The following ARID1A variants were observed in gnomAD, a reference collection of about 807,000 sequenced individuals.
ARID1A encodes the protein AT-rich interaction domain 1A, also known as AT-rich interactive domain-containing protein 1A.
ARID1A carries 20 observed loss-of-function variants against 212.6 expected under a neutral mutation model. That is an observed-to-expected ratio of 0.09 (90% CI 0.07 to 0.14). The LOEUF is 0.14. ARID1A is among the 10% of genes least tolerant of loss of function. The pLI is 1.00. For missense variants in ARID1A, 2,587 were observed against 3,059.0 expected (o/e 0.85, Z 3.64); for synonymous variants, 1,376 against 1,222.1 (o/e 1.13, Z -2.63).
chr1:26,756,589 C>A (rs1489410350), intron 4 of ARID1A, among the ~76,000 whole-genome samples: 10 of 149,908 alleles, frequency 6.7e-5, no homozygotes, highest in African/African-American at 2.2e-4. Flanking sequence ...CAAAAAAACA[C>A]ACACAAAAAA....
At chr1:26,731,632 C>T (rs921577488) in intron 3 of ARID1A, 28 bp downstream of exon 3, 1 of 1,604,130 alleles carries the variant, frequency 6.2e-7, no homozygotes. Flanking sequence ...CCTGCCCTTC[C>T]CTGTGTGTGA....
At position 26,729,736 on chromosome 1, in the gene ARID1A, C is replaced by T. The variant is rs763630072; in HGVS notation, c.1223C>T (p.Pro408Leu). 15 of 1,614,116 alleles carry T rather than the reference C, an allele frequency of 9.3e-6. No individual in the cohort carries two copies. The highest frequency in any genetic ancestry group is 1.7e-5 in the Admixed American group (1 of 60,012). The change falls in exon 2 of 20, where the codon CCG (proline) becomes CTG (leucine). Residue 408 changes from proline (P) to leucine (L), a missense_variant. Transcript: ENST00000324856. ...CCATACTCGCAGCAACAGGGACCTCCGTCAGGACCGCAGCAAGGACATGGG... is the reference window on the plus strand; with the variant it reads ...CCATACTCGCAGCAACAGGGACCTCTGTCAGGACCGCAGCAAGGACATGGG... ...TNPYSQQQGPPSGPQQGHGYP... is the reference protein window; with the variant it reads ...TNPYSQQQGPLSGPQQGHGYP...
intron 1 of ARID1A, among the ~76,000 whole-genome samples, chr1:26,718,661 A>G (rs2080528046): frequency 6.6e-6 from 1 of 152,212 alleles, no homozygotes. Flanking sequence ...CATACAACGT[A>G]GATATTATGT....
chr1:26,772,462 T>C (rs752574286), intron 12 of ARID1A, 38 bp from the exon 13 acceptor site: 1 of 1,613,784 alleles, frequency 6.2e-7, no homozygotes, highest in Non-Finnish European at 8.5e-7. Context: ...AACACTGTCA[T>C]GCCAAGCAAA....
intron 4 of ARID1A, among the ~76,000 whole-genome samples, chr1:26,737,125 T>G (rs1158445741): frequency 1.3e-5 from 2 of 152,004 alleles, no homozygotes; most frequent in African/African-American, 4.8e-5. Flanking sequence ...TTTTTTTGTT[T>G]GTTTGTTTTG....
At position 26,780,606 on chromosome 1, in the gene ARID1A, C is replaced by T. The variant is rs757672227; in HGVS notation, c.6708C>T (p.Arg2236=). Residue 2236 remains arginine (R), a synonymous_variant, in exon 20 of 20, where the codon CGC becomes CGT. Coordinates refer to ENST00000324856, the MANE Select transcript of ARID1A (RefSeq NM_006015.6). This position sits in a 1 kb window ranked among gnomAD's most constrained non-coding sequence, Gnocchi z 7.2. ...TSVDMMRRAA[R]ALLALAKVDE... is the part of the protein sequence containing the mutation. ...TGGACATGATGCGGCGGGCTGCCCG[C>T]GCGCTGCTTGCCTTGGCCAAGGTGG... 34 of 1,613,776 alleles carry T rather than the reference C, an allele frequency of 2.1e-5. No individual in the cohort carries two copies. The highest frequency in any genetic ancestry group is 1.6e-4 in the East Asian group (7 of 44,888).
chr1:26,727,223 C>T (rs547020051), intron 1 of ARID1A, among the ~76,000 whole-genome samples: 1 of 152,126 alleles, frequency 6.6e-6, no homozygotes, highest in East Asian at 1.9e-4. Flanking sequence ...GGATTTGGAC[C>T]CAAGTCTATC....
In ARID1A at chr1:26,778,391, A is replaced by T. The variant is rs1179353498; in HGVS notation, c.5125-632A>T. 1.3e-5 allele frequency: 2 copies of T among 151,766 alleles called. 1 individual carries two copies. The highest frequency in any genetic ancestry group is 4.2e-4 in the South Asian group (2 of 4,818). 9.4% of individuals were successfully genotyped at this position (151,766 alleles called of 1,614,324 possible). On this transcript the variant is annotated intron_variant, in intron 19 of 19. Coordinates refer to ENST00000324856, the MANE Select transcript of ARID1A (RefSeq NM_006015.6). ...CAGCCAAAGATTGTGACTGGAGAGG[A>T]GTGTTTTCTTCTAGAGGTAAATAAA...
intron 1 of ARID1A, among the ~76,000 whole-genome samples, chr1:26,712,776 T>A (rs1381136263): frequency 6.6e-6 from 1 of 152,200 alleles, no homozygotes; most frequent in Non-Finnish European, 1.5e-5. Context: ...CTCTGAGGGG[T>A]GGACATTTGA....
chr1:26,697,764 C>G (rs1409239970), intron 1 of ARID1A, among the ~76,000 whole-genome samples: 2 of 145,134 alleles, frequency 1.4e-5, no homozygotes, highest in African/African-American at 5.0e-5. Flanking sequence ...GTCTGCTCCT[C>G]TTTTTCCTCT....
intron 4 of ARID1A, among the ~76,000 whole-genome samples, chr1:26,748,980 C>T (rs898652092): frequency 1.3e-5 from 2 of 151,960 alleles, no homozygotes; most frequent in Non-Finnish European, 2.9e-5. Context: ...CTGGCTAACA[C>T]GGTGAAACCT....
At position 26,774,619 on chromosome 1, in the gene ARID1A, C is replaced by T. The variant is rs201288345; in HGVS notation, c.4392C>T (p.Val1464=). 1 of 1,614,232 alleles carries T rather than the reference C, an allele frequency of 6.2e-7. No homozygotes were observed. Among genetic ancestry groups the T allele is most frequent in the Non-Finnish European group, 8.5e-7 (1 of 1,180,036 alleles). Residue 1464 remains valine (V), a synonymous_variant, in exon 18 of 20, where the codon GTC becomes GTT. Coordinates refer to ENST00000324856, the MANE Select transcript of ARID1A (RefSeq NM_006015.6). The surrounding 1 kb of genome is among the most constrained non-coding windows in gnomAD (Gnocchi z 5.6). ...CATTCCAGTTTGGCCGAGACCGTGTCTCTGCACCCCCTGGCACCAATGCCC... is the reference window on the plus strand; with the variant it reads ...CATTCCAGTTTGGCCGAGACCGTGTTTCTGCACCCCCTGGCACCAATGCCC... ...QFPFQFGRDR[V]SAPPGTNAQQ...
rs745957633 is a variant in ARID1A, at chr1:26,697,197, C to T, written c.794C>T (p.Ser265Phe). Reference sequence around the variant, plus strand: ...GCCTCCGCCTCCTCGTCGTCTTCGTCCTTCGCTCAGCAGCGCTTCGGGGCC... The same window carrying T: ...GCCTCCGCCTCCTCGTCGTCTTCGTTCTTCGCTCAGCAGCGCTTCGGGGCC... ...SSASASSSSS[S>F]FAQQRFGAMG... The change falls in exon 1 of 20, where the codon TCC becomes TTC. Residue 265 changes from serine (S) to phenylalanine (F), a missense_variant. Transcript: ENST00000324856. The T allele has an allele frequency of 1.1e-5, 16 of 1,422,666 alleles. No individual in the cohort carries two copies. The highest frequency in any genetic ancestry group is 3.3e-5 in the Admixed American group (1 of 30,332). The allele number at this position is 1,422,666 out of a possible 1,614,324, so 88.1% of individuals were successfully genotyped here.
intron 4 of ARID1A, among the ~76,000 whole-genome samples, chr1:26,745,966 G>A (rs1201589919): frequency 6.6e-6 from 1 of 152,090 alleles, no homozygotes; most frequent in African/African-American, 2.4e-5. Flanking sequence ...CAGGAGAATC[G>A]CTTGAACCTG....
rs2124070386 is a variant in ARID1A, at chr1:26,763,248, G to C, written c.2695G>C (p.Val899Leu). ...GMNRKTQETAVAMHVAANSIQ... is the reference protein window; with the variant it reads ...GMNRKTQETALAMHVAANSIQ... Reference sequence around the variant, plus strand: ...GAACCGGAAAACCCAAGAAACTGCTGTCGCCATGCATGTTGCTGCCAACTC... The same window carrying C: ...GAACCGGAAAACCCAAGAAACTGCTCTCGCCATGCATGTTGCTGCCAACTC... The change falls in exon 8 of 20, where the codon GTC becomes CTC. Residue 899 changes from valine (V) to leucine (L), a missense_variant. Physicochemically the swap from Val to Leu is conservative, Grantham distance 32. Coordinates refer to ENST00000324856, the MANE Select transcript of ARID1A (RefSeq NM_006015.6). 1 of 1,612,454 alleles carries C rather than the reference G, an allele frequency of 6.2e-7. No individual in the cohort carries two copies. The highest frequency in any genetic ancestry group is 8.5e-7 in the Non-Finnish European group (1 of 1,178,748).
In ARID1A at chr1:26,773,439, A is replaced by G. The variant is rs2081102637; in HGVS notation, c.3809A>G (p.Asn1270Ser). The G allele has an allele frequency of 1.2e-6, 2 of 1,613,670 alleles. No homozygotes were observed. Among genetic ancestry groups the G allele is most frequent in the Non-Finnish European group, 1.7e-6 (2 of 1,179,880 alleles). The change falls in exon 15 of 20, where the codon AAT becomes AGT. Residue 1270 changes from asparagine (N) to serine (S), a missense_variant. Asn to Ser is a conservative substitution (Grantham distance 46, BLOSUM62 1). Coordinates refer to ENST00000324856, the MANE Select transcript of ARID1A (RefSeq NM_006015.6). ...CGTGCTGCCGGCCCTGGGCTAGGAA[A>G]TGTGGCGATGGGACCACGACAGCAC... ...YSRAAGPGLG[N>S]VAMGPRQHYP...
Position 26,743,758 on chromosome 1 carries a change from G to A in ARID1A, c.1920+10966G>A, listed in dbSNP as rs2080809937. ...GAGGCAAGAGAATCGCTTGAACCCG[G>A]GAGGCAGAGGATGCAGTACTCCATC... is the stretch of plus-strand genomic sequence containing the variant. On this transcript the variant is annotated intron_variant, in intron 4 of 19. Coordinates refer to ENST00000324856, the MANE Select transcript of ARID1A (RefSeq NM_006015.6). Among the ~76,000 whole-genome samples the A allele has an allele frequency of 2.0e-5, 3 of 150,268 alleles. No homozygotes were observed. In the South Asian group the frequency reaches 6.3e-4, roughly 32 times the overall value.
intron 19 of ARID1A, chr1:26,778,821 T>C: frequency 2.1e-6 from 1 of 466,984 alleles, no homozygotes; most frequent in Non-Finnish European, 3.7e-6. Context: ...TACGTGAAGG[T>C]AGGTTGGGCA....
At chr1:26,708,365 ACCTCTGCCTCCTGGGTTCAAGTGATT>A (rs1178107565) in intron 1 of ARID1A, among the ~76,000 whole-genome samples, 5 of 123,648 alleles carry the variant, frequency 4.0e-5, no homozygotes, top group African/African-American at 1.3e-4. Context: ...GCTCACTGTA[ACCTCTGCCTCCTGGGTTCAAGTGATT>A]CTTCTGCCTC....
Sources: gnomAD v4.1 joint callset for allele counts (sites outside exome capture counted in the v4.1 genomes callset) on GRCh38, gnomAD v4.1.1 for gene constraint, Gnocchi (gnomAD v3.1) non-coding constraint, MANE v1.5 for transcripts, NCBI Gene and HGNC (gene_info 2026-07-23, HGNC 2026-07-21) for gene names.